The following VIRMA variants were observed in gnomAD, a reference collection of about 807,000 sequenced individuals.
VIRMA encodes the protein vir like m6A methyltransferase associated, also known as protein virilizer homolog.
In VIRMA, 65 loss-of-function variants were observed where a neutral mutation model predicts 182.4. The observed-to-expected ratio is 0.36, with a 90% CI of 0.29 to 0.44. The LOEUF is 0.44. VIRMA is among the 20% of genes least tolerant of loss of function. VIRMA has a pLI of 1.00. For synonymous variants in VIRMA, 709 were observed against 743.1 expected (o/e 0.95, Z 0.75); for missense variants, 1,752 against 2,158.1 (o/e 0.81, Z 3.73).
At chr8:94,504,179 A>G (rs544314098) in intron 16 of VIRMA, among the ~76,000 whole-genome samples, 4 of 150,582 alleles carry the variant, frequency 2.7e-5, no homozygotes, top group Non-Finnish European at 5.9e-5. Flanking sequence ...ATCTCAACAA[A>G]AAATAAAATT....
intron 8 of VIRMA, among the ~76,000 whole-genome samples, chr8:94,524,112 G>A (rs1296462962): frequency 6.6e-6 from 1 of 152,100 alleles, no homozygotes; most frequent in Non-Finnish European, 1.5e-5. Context: ...CAATTCTCCT[G>A]CCTCAGCCTC....
intron 4 of VIRMA, 26 bp from the exon 5 acceptor site, chr8:94,535,033 AT>A (rs757114038): frequency 1.9e-6 from 3 of 1,553,246 alleles, no homozygotes; most frequent in South Asian, 2.4e-5. Context: ...GGCAAAAAAA[AT>A]CTTTCAAAGT....
At chr8:94,529,684 G>A (rs1172164833) in intron 6 of VIRMA, among the ~76,000 whole-genome samples, 1 of 151,824 alleles carries the variant, frequency 6.6e-6, no homozygotes, top group Non-Finnish European at 1.5e-5. Flanking sequence ...CTGTCGGCCA[G>A]GCTGGAGTGC....
chr8:94,524,068 C>T (rs1389248168), intron 8 of VIRMA, among the ~76,000 whole-genome samples: 1 of 151,440 alleles, frequency 6.6e-6, no homozygotes, highest in Non-Finnish European at 1.5e-5. Flanking sequence ...GGTGAGATCT[C>T]AGCTCACTGC....
At chr8:94,509,665 C>T (rs1814293257) in intron 15 of VIRMA, 23 bp downstream of exon 15, 2 of 1,593,352 alleles carry the variant, frequency 1.3e-6, no homozygotes, top group East Asian at 4.5e-5. Flanking sequence ...CAGAGAGAGA[C>T]TTTATAAAAT....
chr8:94,518,965 A>T lies in VIRMA; in HGVS notation c.2513+20T>A. On this transcript the variant is annotated intron_variant, in intron 9 of 23. Coordinates refer to ENST00000297591, the MANE Select transcript of VIRMA (RefSeq NM_015496.5). Reference sequence around the variant, plus strand: ...ATTTTCTAACATCATAGAAAATTTAAGGAGTAAGTAGGAAATTACCCCAAG... The same window carrying T: ...ATTTTCTAACATCATAGAAAATTTATGGAGTAAGTAGGAAATTACCCCAAG... The T allele has an allele frequency of 6.4e-7, 1 of 1,556,132 alleles. No homozygotes were observed. The highest frequency in any genetic ancestry group is 1.4e-5 in the African/African-American group (1 of 72,402).
Position 94,541,351 on chromosome 8 carries a change from C to T in VIRMA, c.179+2476G>A, listed in dbSNP as rs1298553908. ...TTGGTCTCAAGTGATCCTCCTGCCT[C>T]GGCCTCCCAAAGTGCTGGGATTAGA... On this transcript the variant is annotated intron_variant, in intron 2 of 23. Coordinates refer to ENST00000297591, the MANE Select transcript of VIRMA (RefSeq NM_015496.5). Among the ~76,000 whole-genome samples the T allele has an allele frequency of 4.6e-5, 7 of 152,090 alleles. No individual in the cohort carries two copies. The East Asian group carries it at 1.3e-3, about 29-fold the overall frequency.
chr8:94,496,488 T>C lies in VIRMA; in HGVS notation c.4231-8A>G. ...ATCATCTCCACAGCATCCCTGTAAA[T>C]GTCACACATAAGTTAAATTTGAGAA... On this transcript the variant is annotated splice_polypyrimidine_tract_variant and splice_region_variant and intron_variant, in intron 17 of 23. Transcript: ENST00000297591. The C allele has an allele frequency of 6.2e-7, 1 of 1,602,492 alleles. No individual in the cohort carries two copies. The highest frequency in any genetic ancestry group is 8.5e-7 in the Non-Finnish European group (1 of 1,176,102).
intron 15 of VIRMA, among the ~76,000 whole-genome samples, chr8:94,508,835 C>T (rs900785756): frequency 5.3e-5 from 8 of 151,392 alleles, no homozygotes; most frequent in Admixed American, 1.3e-4. Flanking sequence ...TTGATGACCA[C>T]TTAGCAAGAG....
At chr8:94,492,394 C>T (rs1365434222) in intron 21 of VIRMA, among the ~76,000 whole-genome samples, 26 of 151,870 alleles carry the variant, frequency 1.7e-4, no homozygotes, top group Admixed American at 1.5e-3. Flanking sequence ...CACCATTCTC[C>T]TGCCTCAGCC....
chr8:94,549,998 G>A (rs1342181854), intron 1 of VIRMA, among the ~76,000 whole-genome samples: 1 of 151,980 alleles, frequency 6.6e-6, no homozygotes, highest in Non-Finnish European at 1.5e-5. Flanking sequence ...TCGGGAGGCT[G>A]AGATGGAAGG....
chr8:94,553,250 CG>C (rs1454648214), intron 1 of VIRMA, 134 bp downstream of exon 1: 1 of 854,860 alleles, frequency 1.2e-6, no homozygotes, highest in Middle Eastern at 2.3e-4. Flanking sequence ...TCACACAGCT[CG>C]GGGGAGGGTG....
intron 11 of VIRMA, among the ~76,000 whole-genome samples, chr8:94,514,069 G>C (rs1814464017): frequency 6.9e-6 from 1 of 145,440 alleles, no homozygotes; most frequent in African/African-American, 2.4e-5. Context: ...AACCAAGATG[G>C]CTTATATACT....
intron 9 of VIRMA, 50 bp from the exon 10 acceptor site, chr8:94,517,992 G>A (rs1350713111): frequency 1.3e-6 from 2 of 1,483,642 alleles, no homozygotes; most frequent in East Asian, 2.3e-5. Flanking sequence ...CAATTTTTTA[G>A]GAACAATTTT....
At chr8:94,495,568 A>C (rs1322950088) in intron 19 of VIRMA, among the ~76,000 whole-genome samples, 163 bp downstream of exon 19, 3 of 151,704 alleles carry the variant, frequency 2.0e-5, no homozygotes, top group Non-Finnish European at 4.4e-5. Flanking sequence ...AAAAAAAAAA[A>C]AAAAAAACTA....
intron 8 of VIRMA, among the ~76,000 whole-genome samples, chr8:94,519,678 G>C (rs1484804796): frequency 6.6e-6 from 1 of 152,200 alleles, no homozygotes; most frequent in Non-Finnish European, 1.5e-5. Context: ...GTGAGGCTTT[G>C]TCCTAGTTAG....
chr8:94,549,907 G>A (rs961830228), intron 1 of VIRMA, among the ~76,000 whole-genome samples: 1 of 152,058 alleles, frequency 6.6e-6, no homozygotes, highest in African/African-American at 2.4e-5. Flanking sequence ...ACCAGCCTGG[G>A]AAACATGGCA....
Position 94,534,930 on chromosome 8 carries a change from C to A in VIRMA, c.393G>T (p.Val131=). The change falls in exon 5 of 24, where the codon GTG becomes GTT. Residue 131 remains valine, a synonymous_variant. Coordinates refer to ENST00000297591, the MANE Select transcript of VIRMA (RefSeq NM_015496.5). The stretch of plus-strand genomic sequence containing the variant: ...GTGGAGAGTCTCTGTCATGACTTAT[C>A]ACTCTATCCACTGATCCATATATTG... ...TLAIYGSVDR[V]ISHDRDSPPP... 6.2e-7 allele frequency: 1 copy of A among 1,613,912 alleles called. No individual in the cohort carries two copies. The highest frequency in any genetic ancestry group is 8.5e-7 in the Non-Finnish European group (1 of 1,179,962).
intron 3 of VIRMA, among the ~76,000 whole-genome samples, chr8:94,537,825 C>A (rs1053886849): frequency 8.6e-5 from 13 of 151,132 alleles, no homozygotes; most frequent in African/African-American, 3.1e-4. Context: ...ACTAAATAAT[C>A]AAAAAAGGGG....
Sources: allele counts gnomAD v4.1 joint callset (sites outside exome capture counted in the v4.1 genomes callset), GRCh38; gene constraint gnomAD v4.1.1; transcripts MANE v1.5; gene names NCBI Gene and HGNC (gene_info 2026-07-23, HGNC 2026-07-21).